ECHDC1: variants seen among roughly 807,000 people sequenced by gnomAD.
The protein encoded by ECHDC1 is ethylmalonyl-CoA decarboxylase.
Under a neutral mutation model 29.7 loss-of-function variants are expected in ECHDC1, and 29 were observed. The ratio of observed to expected loss-of-function variants is 0.98; its 90% CI spans 0.73 to 1.33. ECHDC1 has a LOEUF of 1.33. Among genes scored for constraint, ECHDC1 ranks in the 40% most tolerant of loss-of-function variants. ECHDC1 has a pLI of 0.00. For synonymous variants in ECHDC1, 126 were observed against 123.1 expected (o/e 1.02, Z -0.15); for missense variants, 328 against 350.0 (o/e 0.94, Z 0.50).
chr6:127,331,676 C>T (rs1042901067), intron 1 of ECHDC1, among the ~76,000 whole-genome samples: 6 of 152,184 alleles, frequency 3.9e-5, no homozygotes, highest in Admixed American at 2.0e-4. Context: ...TAGTCTTTTG[C>T]ATCACATGCT....
chr6:127,342,293 G>C, intron 1 of ECHDC1: 1 of 1,497,940 alleles, frequency 6.7e-7, no homozygotes, highest in South Asian at 1.3e-5. Context: ...ACTAAACAGG[G>C]GCTTAAGAAT....
Position 127,321,115 on chromosome 6 carries a change from C to A in ECHDC1, c.364-4613G>T, listed in dbSNP as rs192265367. Among the ~76,000 whole-genome samples, 349 of 152,180 alleles carry A rather than the reference C, an allele frequency of 2.3e-3. 1 individual carries two copies. Among genetic ancestry groups the A allele is most frequent in the Admixed American group, 4.8e-3 (73 of 15,280 alleles). On this transcript the variant is annotated intron_variant, in intron 3 of 5. Coordinates refer to ENST00000454859, the MANE Select transcript of ECHDC1 (RefSeq NM_001002030.2). ...GATAAAAAAGCCACTTAATCACTTC[C>A]AAGCATTTTATCACTATTAGAAGGG...
Position 127,326,583 on chromosome 6 carries a change from T to A in ECHDC1, c.363+419A>T, listed in dbSNP as rs560806736. On this transcript the variant is annotated intron_variant, in intron 3 of 5. Coordinates refer to ENST00000454859, the MANE Select transcript of ECHDC1 (RefSeq NM_001002030.2). ...TTCCATCTGCAACTTTCCTGTAAAT[T>A]TAAAATTATTCTAAAATTAAAAATA... The A allele has an allele frequency of 2.2e-3, 894 of 413,022 alleles. 1 individual carries two copies. The highest frequency in any genetic ancestry group is 3.1e-3 in the Non-Finnish European group (612 of 200,616). The allele number at this position is 413,022 out of a possible 1,614,324, so 25.6% of individuals were successfully genotyped here.
intron 5 of ECHDC1, among the ~76,000 whole-genome samples, chr6:127,312,532 T>G (rs1409006160): frequency 6.6e-6 from 1 of 152,138 alleles, no homozygotes; most frequent in African/African-American, 2.4e-5. Flanking sequence ...TATTTGCTGC[T>G]TAAGTTAAAC....
chr6:127,290,524 A>G (rs946819995), intron 5 of ECHDC1, among the ~76,000 whole-genome samples: 7 of 152,052 alleles, frequency 4.6e-5, no homozygotes, highest in African/African-American at 7.2e-5. Context: ...AGAACCTTCT[A>G]AAAGCCCAAA....
chr6:127,320,725 A>C (rs1051664809), intron 3 of ECHDC1, among the ~76,000 whole-genome samples: 6 of 152,066 alleles, frequency 3.9e-5, no homozygotes, highest in Non-Finnish European at 8.8e-5. Flanking sequence ...TGTCTTTCCA[A>C]TACATAACTT....
chr6:127,325,414 G>C (rs971016322), intron 3 of ECHDC1, among the ~76,000 whole-genome samples: 1 of 152,124 alleles, frequency 6.6e-6, no homozygotes, highest in Non-Finnish European at 1.5e-5. Flanking sequence ...GAAGTGTGGA[G>C]TTTCTTTTTT....
intron 5 of ECHDC1, among the ~76,000 whole-genome samples, chr6:127,299,550 ATG>A (rs1470288830): frequency 6.6e-6 from 1 of 152,086 alleles, no homozygotes; most frequent in African/African-American, 2.4e-5. Context: ...CAGCTGTAAA[ATG>A]TGTTTGTGTT....
intron 4 of ECHDC1, 64 bp downstream of exon 4, chr6:127,316,386 T>C: frequency 7.5e-7 from 1 of 1,336,180 alleles, no homozygotes; most frequent in Non-Finnish European, 1.0e-6. Context: ...GTACAAATAA[T>C]GGAATAGCAA....
intron 1 of ECHDC1, among the ~76,000 whole-genome samples, chr6:127,336,707 G>A (rs1784452917): frequency 6.6e-6 from 1 of 152,136 alleles, no homozygotes; most frequent in South Asian, 2.1e-4. Flanking sequence ...GAGAAATAAA[G>A]TGATAAGCAT....
intron 4 of ECHDC1, 24 bp from the exon 5 acceptor site, chr6:127,314,920 T>C (rs1243360985): frequency 6.3e-7 from 1 of 1,588,404 alleles, no homozygotes. Flanking sequence ...AAAAAACTGA[T>C]GTTACTATTT....
intron 5 of ECHDC1, among the ~76,000 whole-genome samples, chr6:127,311,943 A>G (rs1781974718): frequency 6.6e-6 from 1 of 151,970 alleles, no homozygotes; most frequent in South Asian, 2.1e-4. Context: ...TGAAAGGTAT[A>G]TGGGAGTTAT....
intron 1 of ECHDC1, 128 bp downstream of exon 1, chr6:127,343,208 G>C (rs1157234657): frequency 6.6e-6 from 1 of 152,332 alleles, no homozygotes. Flanking sequence ...CGCGGAGCCG[G>C]GGAGGCTCGC....
chr6:127,338,868 A>G (rs1397203865), intron 1 of ECHDC1, among the ~76,000 whole-genome samples: 1 of 152,196 alleles, frequency 6.6e-6, no homozygotes, highest in African/African-American at 2.4e-5. Flanking sequence ...AGTACTGAAA[A>G]AGTTAAGTTT....
At chr6:127,312,499 C>A (rs191265059) in intron 5 of ECHDC1, among the ~76,000 whole-genome samples, 1 of 152,204 alleles carries the variant, frequency 6.6e-6, no homozygotes, top group Non-Finnish European at 1.5e-5. Flanking sequence ...TACAACCCAC[C>A]TAGAAAATTT....
chr6:127,301,125 TG>T (rs1781020843), intron 5 of ECHDC1, among the ~76,000 whole-genome samples: 1 of 152,214 alleles, frequency 6.6e-6, no homozygotes, highest in South Asian at 2.1e-4. Flanking sequence ...CTTTTAAAAA[TG>T]TTTTTTAAAA....
At chr6:127,338,731 T>C (rs905610656) in intron 1 of ECHDC1, among the ~76,000 whole-genome samples, 2 of 152,202 alleles carry the variant, frequency 1.3e-5, no homozygotes, top group African/African-American at 4.8e-5. Context: ...TTCACAGCTA[T>C]ATATTACTTC....
At chr6:127,319,333 A>C (rs1234778139) in intron 3 of ECHDC1, among the ~76,000 whole-genome samples, 1 of 152,188 alleles carries the variant, frequency 6.6e-6, no homozygotes, top group Non-Finnish European at 1.5e-5. Context: ...ATATTTTATT[A>C]AGGGAGCTAG....
At chr6:127,298,296 AAT>A (rs1369953445) in intron 5 of ECHDC1, among the ~76,000 whole-genome samples, 1 of 150,440 alleles carries the variant, frequency 6.6e-6, no homozygotes, top group Admixed American at 6.7e-5. Context: ...TAAAATATTA[AAT>A]ATTAGACATA....
Sources: gnomAD v4.1 joint callset for allele counts (sites outside exome capture counted in the v4.1 genomes callset) on GRCh38, gnomAD v4.1.1 for gene constraint, MANE v1.5 for transcripts, NCBI Gene and HGNC (gene_info 2026-07-23, HGNC 2026-07-21) for gene names.